GAS6: variants seen among roughly 807,000 people sequenced by gnomAD.
GAS6 encodes growth arrest specific 6, also known as growth arrest-specific protein 6.
Under a neutral mutation model 75.8 loss-of-function variants are expected in GAS6, and 41 were observed. The ratio of observed to expected loss-of-function variants is 0.54; its 90% CI spans 0.42 to 0.70. The LOEUF (loss-of-function observed/expected upper bound fraction) is 0.70, where lower values mean the gene tolerates loss of function less well. Among genes scored for constraint, GAS6 ranks in the 30% least tolerant of loss-of-function variants. GAS6 has a pLI of 0.00. For synonymous variants in GAS6, 432 were observed against 412.6 expected, an observed-to-expected ratio of 1.05 and a Z score of -0.57; for missense variants, 854 against 940.2, an observed-to-expected ratio of 0.91 and a Z score of 1.20.
At chr13:113,860,683 GGA>G (rs1469205917) in intron 2 of GAS6, among the ~76,000 whole-genome samples, 2 of 152,170 alleles carry the variant, frequency 1.3e-5, no homozygotes, top group African/African-American at 4.8e-5. Context: ...AACAAGATAA[GGA>G]GAAGGTCTGG....
intron 2 of GAS6, among the ~76,000 whole-genome samples, chr13:113,855,520 G>C (rs1236974304): frequency 6.6e-6 from 1 of 152,210 alleles, no homozygotes; most frequent in African/African-American, 2.4e-5. Flanking sequence ...CTGCTCCATG[G>C]GACGCTGGAC....
chr13:113,838,139 G>A lies in GAS6; in HGVS notation c.519C>T (p.Asn173=). The A allele has an allele frequency of 6.2e-7, 1 of 1,612,944 alleles. No homozygotes were observed. The highest frequency in any genetic ancestry group is 1.1e-5 in the South Asian group (1 of 91,090). ...ENGGCLQICH[N]KPGSFHCSCH... is the part of the protein sequence containing the mutation. ...AGGAACAGTGGAAGCTACCCGGCTT[G>A]TTGTGGCAGATCTGGAGGCAGCCCC... The change falls in exon 6 of 15, where the codon AAC becomes AAT. Residue 173 remains asparagine (N), a synonymous_variant. Transcript: ENST00000327773.
chr13:113,847,830 G>A (rs923073110), intron 3 of GAS6, 196 bp downstream of exon 3: 18 of 631,756 alleles, frequency 2.8e-5, no homozygotes, highest in African/African-American at 1.5e-4. Context: ...CCACTAACAC[G>A]GAATAAAGCT....
chr13:113,858,455 G>A (rs1407550874), intron 2 of GAS6, among the ~76,000 whole-genome samples: 1 of 152,118 alleles, frequency 6.6e-6, no homozygotes, highest in Non-Finnish European at 1.5e-5. Flanking sequence ...CTGCTAGTAT[G>A]TGCCTTTGTG....
chr13:113,838,029 G>A (rs771766074), intron 6 of GAS6, 40 bp downstream of exon 6: 4 of 1,607,354 alleles, frequency 2.5e-6, no homozygotes, highest in East Asian at 4.5e-5. Flanking sequence ...TAGAAGGTGG[G>A]GAGAGGAGAG....
intron 2 of GAS6, among the ~76,000 whole-genome samples, chr13:113,853,674 C>A (rs896410981): frequency 2.0e-5 from 3 of 152,218 alleles, no homozygotes; most frequent in Admixed American, 2.0e-4. Flanking sequence ...GAAATGGTCA[C>A]AAGAATTCAC....
At position 113,823,456 on chromosome 13, in the gene GAS6, C is replaced by T. The variant is rs548946951; in HGVS notation, c.1572G>A (p.Ala524=). Residue 524 remains alanine (A), a synonymous_variant, in exon 13 of 15, where the codon GCG becomes GCA. Coordinates refer to ENST00000327773, the MANE Select transcript of GAS6 (RefSeq NM_000820.4). ...RPAADTGVLF[A]LWAPDLRAVP... is the part of the protein sequence containing the mutation. Reference sequence around the variant, plus strand: ...CGGCACGGAGGTCGGGGGCCCAGAGCGCAAACAGCACGCCTGTGTCTGCGG... The same window carrying T: ...CGGCACGGAGGTCGGGGGCCCAGAGTGCAAACAGCACGCCTGTGTCTGCGG... The T allele has an allele frequency of 5.0e-6, 8 of 1,612,740 alleles. No individual in the cohort carries two copies. The highest frequency in any genetic ancestry group is 1.3e-5 in the African/African-American group (1 of 75,042).
chr13:113,857,692 G>T (rs2051925249), intron 2 of GAS6, among the ~76,000 whole-genome samples: 1 of 152,232 alleles, frequency 6.6e-6, no homozygotes, highest in African/African-American at 2.4e-5. Context: ...GAAGCCATAA[G>T]CACTTGCTTC....
At chr13:113,855,168 C>T (rs1027618228) in intron 2 of GAS6, among the ~76,000 whole-genome samples, 2 of 151,906 alleles carry the variant, frequency 1.3e-5, no homozygotes, top group Non-Finnish European at 2.9e-5. Flanking sequence ...TCCCCATCTC[C>T]GGTGAGGGCG....
intron 10 of GAS6, among the ~76,000 whole-genome samples, chr13:113,829,273 C>T (rs529604282): frequency 6.8e-6 from 1 of 147,418 alleles, no homozygotes; most frequent in African/African-American, 2.5e-5. Context: ...CAAGAGGGTC[C>T]CAATCTCAGG....
Position 113,841,831 on chromosome 13 carries a change from C to A in GAS6, c.344-1981G>T, listed in dbSNP as rs1454371852. ...CCCACAGTTTCCTCCATACGCCCCA[C>A]AGTTTCTTCCATACGCCCCACAGTT... On this transcript the variant is annotated intron_variant, in intron 4 of 14. Coordinates refer to ENST00000327773, the MANE Select transcript of GAS6 (RefSeq NM_000820.4). 4.2e-5 allele frequency: 2 copies of A among 47,628 alleles called. 1 individual carries two copies. Among genetic ancestry groups the A allele is most frequent in the Non-Finnish European group, 7.1e-5 (2 of 28,090 alleles). 3.0% of individuals were successfully genotyped at this position (47,628 alleles called of 1,614,324 possible). A position where few individuals can be genotyped will look rare whatever the true frequency, so the allele number is the denominator to read the frequency against.
chr13:113,828,907 G>A (rs182595559), intron 10 of GAS6, among the ~76,000 whole-genome samples, 196 bp from the exon 11 acceptor site: 264 of 118,210 alleles, frequency 2.2e-3, no homozygotes, highest in African/African-American at 8.3e-3. Context: ...AGAGGGTCCC[G>A]ATCTCAGGGA....
intron 8 of GAS6, among the ~76,000 whole-genome samples, chr13:113,834,065 G>A (rs1353839546): frequency 1.4e-5 from 2 of 145,948 alleles, no homozygotes; most frequent in Non-Finnish European, 3.0e-5. Context: ...CGGTGTGACA[G>A]GTCGGTGTGA....
At chr13:113,835,405 C>T in intron 7 of GAS6, 108 bp downstream of exon 7, 6 of 1,325,042 alleles carry the variant, frequency 4.5e-6, no homozygotes, top group Non-Finnish European at 6.3e-6. Context: ...AAGAGACTTT[C>T]TTTCACCAGA....
At chr13:113,828,122 G>A (rs866818284) in intron 11 of GAS6, among the ~76,000 whole-genome samples, 2 of 152,226 alleles carry the variant, frequency 1.3e-5, no homozygotes, top group Middle Eastern at 3.4e-3. Flanking sequence ...AAATTAGCCG[G>A]ACGTGGTGGC....
At chr13:113,860,121 G>C (rs1293634576) in intron 2 of GAS6, among the ~76,000 whole-genome samples, 1 of 152,244 alleles carries the variant, frequency 6.6e-6, no homozygotes, top group Admixed American at 6.5e-5. Context: ...GCAGTGGGGA[G>C]AAGAGAGAGA....
intron 6 of GAS6, chr13:113,836,036 TTCAA>T (rs2138637933): frequency 2.0e-6 from 2 of 1,008,378 alleles, no homozygotes; most frequent in Admixed American, 5.7e-5. Flanking sequence ...ATTTACTGGT[TTCAA>T]TCAATTTTCA....
At chr13:113,829,222 G>A (rs1338645136) in intron 10 of GAS6, among the ~76,000 whole-genome samples, 3 of 91,854 alleles carry the variant, frequency 3.3e-5, no homozygotes, top group Admixed American at 1.0e-4. Context: ...TGGGCCAAGA[G>A]GGTCTCAATC....
In GAS6 at chr13:113,848,182, G is replaced by A; in HGVS notation, c.256-132C>T. On this transcript the variant is annotated intron_variant, in intron 2 of 14. Transcript: ENST00000327773. The surrounding 1 kb of genome is among the most constrained non-coding windows in gnomAD (Gnocchi z 4.8). ...AGAGGGCCGCCCCACCCGGGGAACT[G>A]AGGGGAAGTGACCGGGGCACGACTG... The A allele has an allele frequency of 2.2e-6, 2 of 890,672 alleles. No homozygotes were observed. The highest frequency in any genetic ancestry group is 1.5e-5 in the South Asian group (1 of 66,496). The allele number at this position is 890,672 out of a possible 1,614,324, so 55.2% of individuals were successfully genotyped here. A position where few individuals can be genotyped will look rare whatever the true frequency, so the allele number is the denominator to read the frequency against.
Sources: gnomAD v4.1 joint callset for allele counts (sites outside exome capture counted in the v4.1 genomes callset) on GRCh38, gnomAD v4.1.1 for gene constraint, Gnocchi (gnomAD v3.1) non-coding constraint, MANE v1.5 for transcripts, NCBI Gene and HGNC (gene_info 2026-07-23, HGNC 2026-07-21) for gene names.